The following LPXN variants were observed in gnomAD, a reference collection of about 807,000 sequenced individuals.
LPXN encodes leupaxin.
A neutral mutation model predicts 45.6 loss-of-function variants in LPXN; 28 were observed. The ratio of observed to expected loss-of-function variants is 0.61; its 90% confidence interval spans 0.45 to 0.84. The LOEUF (loss-of-function observed/expected upper bound fraction) is 0.84, where lower values mean the gene tolerates loss of function less well. LPXN is among the 40% of genes least tolerant of loss of function. LPXN has a pLI of 0.00. For missense variants in LPXN, 459 were observed against 475.0 expected (o/e 0.97, Z 0.31); for synonymous variants, 166 against 169.9 (o/e 0.98, Z 0.18).
At chr11:58,551,462 A>T (rs1854049770) in intron 4 of LPXN, among the ~76,000 whole-genome samples, 1 of 152,188 alleles carries the variant, frequency 6.6e-6, no homozygotes, top group Admixed American at 6.5e-5. Flanking sequence ...TATATTTGTA[A>T]ATCTTTTCTT....
Position 58,564,192 on chromosome 11 carries a change from C to G in LPXN, c.181G>C (p.Val61Leu). Residue 61 changes from valine to leucine, a missense_variant, in exon 3 of 9, where the codon GTG becomes CTG. Physicochemically the swap from Val to Leu is conservative, Grantham distance 32. Transcript: ENST00000395074. ...DNTSPLPAQL[V>L]YTTNIQELNV... The stretch of plus-strand genomic sequence containing the variant: ...AGCTCCTGGATATTGGTAGTATACA[C>G]GAGCTGCGCCTAAGATATATAAGTG... The G allele has an allele frequency of 6.2e-7, 1 of 1,603,544 alleles. No individual in the cohort carries two copies. Among genetic ancestry groups the G allele is most frequent in the South Asian group, 1.1e-5 (1 of 89,370 alleles).
chr11:58,576,184 T>C (rs1854885319), upstream of LPXN, among the ~76,000 whole-genome samples: 2 of 152,088 alleles, frequency 1.3e-5, no homozygotes, highest in Admixed American at 1.3e-4. Flanking sequence ...TTTTCTTTTT[T>C]TTTTTTCTGT....
Position 58,551,363 on chromosome 11 carries a change from G to A in LPXN, c.319-131C>T, listed in dbSNP as rs1590555877. 3.4e-5 allele frequency: 22 copies of A among 647,608 alleles called. No individual in the cohort carries two copies. In the East Asian group the frequency reaches 7.6e-4, roughly 22 times the overall value. The allele number at this position is 647,608 out of a possible 1,614,324, so 40.1% of individuals were successfully genotyped here. ...TTCCCCAACCTTCCTGCAAGACATT[G>A]GAAAAATCTAAAATTTCAACACCAA... On this transcript the variant is annotated intron_variant, in intron 4 of 8. Coordinates refer to ENST00000395074, the MANE Select transcript of LPXN (RefSeq NM_004811.3).
At chr11:58,551,292 T>G in intron 4 of LPXN, 60 bp from the exon 5 acceptor site, 1 of 1,384,936 alleles carries the variant, frequency 7.2e-7, no homozygotes, top group Non-Finnish European at 9.7e-7. Flanking sequence ...ATTGGCATCT[T>G]CTAATGACTC....
At chr11:58,538,112 T>G (rs1853609243) in intron 7 of LPXN, among the ~76,000 whole-genome samples, 1 of 152,166 alleles carries the variant, frequency 6.6e-6, no homozygotes, top group Non-Finnish European at 1.5e-5. Flanking sequence ...TCATCATTTT[T>G]TATGGCTGCA....
In LPXN at chr11:58,570,562, G is replaced by C; in HGVS notation, c.165C>G (p.Pro55=). ...EILSIQDNTS[P]LPAQLVYTTN... Reference sequence around the variant, plus strand: ...ATAATAAATGAAAATTTACCGGCAAGGGACTTGTGTTATCCTGAATAGAAA... The same window carrying C: ...ATAATAAATGAAAATTTACCGGCAACGGACTTGTGTTATCCTGAATAGAAA... Residue 55 remains proline (P), a synonymous_variant, in exon 2 of 9, where the codon CCC becomes CCG. Coordinates refer to ENST00000395074, the MANE Select transcript of LPXN (RefSeq NM_004811.3). 1 of 1,605,932 alleles carries C rather than the reference G, an allele frequency of 6.2e-7. No homozygotes were observed. The highest frequency in any genetic ancestry group is 1.1e-5 in the South Asian group (1 of 89,992).
At chr11:58,531,172 C>T (rs1440667387) in intron 7 of LPXN, among the ~76,000 whole-genome samples, 2 of 152,122 alleles carry the variant, frequency 1.3e-5, no homozygotes, top group Admixed American at 1.3e-4. Context: ...CTCCTCAACA[C>T]CAAGGGAACA....
At chr11:58,572,007 C>T (rs1590590871) in intron 1 of LPXN, among the ~76,000 whole-genome samples, 1 of 152,162 alleles carries the variant, frequency 6.6e-6, no homozygotes, top group African/African-American at 2.4e-5. Context: ...TTCTCTGATG[C>T]AGTTTCCTCA....
intron 7 of LPXN, among the ~76,000 whole-genome samples, chr11:58,547,422 G>A (rs1032741951): frequency 6.6e-6 from 1 of 152,180 alleles, no homozygotes. Context: ...ATCCCGAAAA[G>A]AATTCAGGGA....
intron 7 of LPXN, among the ~76,000 whole-genome samples, chr11:58,542,701 T>C (rs916115914): frequency 6.6e-6 from 1 of 152,072 alleles, no homozygotes; most frequent in Non-Finnish European, 1.5e-5. Flanking sequence ...AATGGAATAA[T>C]TGATAATGTT....
chr11:58,550,930 G>T, intron 5 of LPXN, 135 bp downstream of exon 5: 2 of 745,228 alleles, frequency 2.7e-6, no homozygotes, highest in Non-Finnish European at 2.0e-6. Flanking sequence ...TTAGCTCAGT[G>T]GCCAGAGCAC....
At chr11:58,531,318 T>G (rs912730004) in intron 7 of LPXN, among the ~76,000 whole-genome samples, 3 of 152,044 alleles carry the variant, frequency 2.0e-5, no homozygotes, top group African/African-American at 7.2e-5. Flanking sequence ...GAAAACAGGT[T>G]AGACAAATTG....
At chr11:58,573,241 C>T (rs1260384268) in intron 1 of LPXN, among the ~76,000 whole-genome samples, 3 of 123,904 alleles carry the variant, frequency 2.4e-5, no homozygotes, top group African/African-American at 1.1e-4. Flanking sequence ...AGCAAAACTC[C>T]GTCTCAAAAA....
chr11:58,533,282 T>C (rs542866327), intron 7 of LPXN, among the ~76,000 whole-genome samples: 14 of 152,296 alleles, frequency 9.2e-5, no homozygotes, highest in Non-Finnish European at 1.9e-4. Context: ...AGAGAAAGGT[T>C]GGGTAACCCA....
intron 7 of LPXN, among the ~76,000 whole-genome samples, chr11:58,539,958 T>A (rs886979356): frequency 2.0e-5 from 3 of 152,154 alleles, no homozygotes; most frequent in Non-Finnish European, 4.4e-5. Context: ...GGGATGACAC[T>A]GCTTAAATTT....
At chr11:58,560,770 G>A (rs1378569349) in intron 3 of LPXN, among the ~76,000 whole-genome samples, 2 of 152,160 alleles carry the variant, frequency 1.3e-5, no homozygotes, top group Admixed American at 6.5e-5. Flanking sequence ...GTAACAAAGA[G>A]CTTGGGCCTG....
Position 58,527,702 on chromosome 11 carries a change from T to C in LPXN, c.913A>G (p.Thr305Ala), listed in dbSNP as rs181781366. Reference sequence around the variant, plus strand: ...CCATCCAGTTCAAAGAAGGAGCCAGTAGAAAAACTGGTGAAGCAGTCCTGG... The same window carrying C: ...CCATCCAGTTCAAAGAAGGAGCCAGCAGAAAAACTGGTGAAGCAGTCCTGG... Reference protein sequence around the residue: ...VCGDCFTSFSTGSFFELDGRP... With the variant: ...VCGDCFTSFSAGSFFELDGRP... The change falls in exon 9 of 9, where the codon ACT (threonine) becomes GCT (alanine). Residue 305 changes from threonine (T) to alanine (A), a missense_variant. By Grantham distance (58) the Thr-to-Ala change is moderately conservative. Coordinates refer to ENST00000395074, the MANE Select transcript of LPXN (RefSeq NM_004811.3). 1.3e-4 allele frequency: 215 copies of C among 1,613,980 alleles called. No individual in the cohort carries two copies. In the East Asian group the frequency reaches 4.5e-3, roughly 34 times the overall value.
At chr11:58,546,395 A>T (rs11229523) in intron 7 of LPXN, among the ~76,000 whole-genome samples, 1,661 of 152,302 alleles carry the variant, frequency 0.011, 38 homozygotes, top group African/African-American at 0.038. Flanking sequence ...TGAACAAGAG[A>T]GTCTCAGTGA....
At chr11:58,569,536 G>A (rs1000733303) in intron 2 of LPXN, among the ~76,000 whole-genome samples, 8 of 151,780 alleles carry the variant, frequency 5.3e-5, no homozygotes, top group African/African-American at 9.7e-5. Flanking sequence ...CCATAGGCAC[G>A]CACCACCACA....
Sources: gnomAD v4.1 joint callset for allele counts (sites outside exome capture counted in the v4.1 genomes callset) on GRCh38, gnomAD v4.1.1 for gene constraint, MANE v1.5 for transcripts, NCBI Gene and HGNC (gene_info 2026-07-23, HGNC 2026-07-21) for gene names.